CDKL5: variants seen among roughly 807,000 people sequenced by gnomAD.
The protein encoded by CDKL5 is cyclin-dependent kinase-like 5.
Under a neutral mutation model 61.7 loss-of-function variants are expected in CDKL5, and 8 were observed. That is an observed-to-expected ratio of 0.13 (90% confidence interval 0.08 to 0.23). CDKL5 has a LOEUF of 0.23. CDKL5 is among the 10% of genes least tolerant of loss of function. CDKL5 has a pLI of 1.00. For synonymous variants in CDKL5, 275 were observed against 272.3 expected (o/e 1.01, Z -0.10); for missense variants, 440 against 734.5 (o/e 0.60, Z 4.63).
At chrX:18,543,009 A>T (rs1924078082) in intron 3 of CDKL5, among the ~76,000 whole-genome samples, 1 of 110,538 alleles carries the variant, frequency 9.0e-6, no homozygotes, top group Non-Finnish European at 1.9e-5. Flanking sequence ...ATGGGCAATG[A>T]AAGATTAGCT....
At chrX:18,651,258 T>TGAGAGA (rs1203890269) in intron 21 of CDKL5, among the ~76,000 whole-genome samples, 2 of 97,188 alleles carry the variant, frequency 2.1e-5, no homozygotes, top group Non-Finnish European at 4.0e-5. Flanking sequence ...TGTGTGTGTG[T>TGAGAGA]GTGTGTGAGA....
chrX:18,643,334 C>A (rs965830364), downstream of CDKL5, among the ~76,000 whole-genome samples: 1 of 111,450 alleles, frequency 9.0e-6, no homozygotes, highest in Non-Finnish European at 1.9e-5. Flanking sequence ...AGGGCCTGGT[C>A]TGCCATGTTC....
Position 18,438,851 on chromosome X carries a change from C to A in CDKL5, c.-163+13156C>A, listed in dbSNP as rs188558360. Among the ~76,000 whole-genome samples the A allele has an allele frequency of 3.5e-3, 373 of 107,596 alleles. 2 individuals carry two copies. The Middle Eastern group carries it at 0.044, about 13-fold the overall frequency. The allele number at this position is 107,596 out of a possible 115,157, so 93.4% of individuals were successfully genotyped here. ...TGGGCATATAAAGCTGGGAGAATTG[C>A]AAGAAGTAATGTTTATTTATGTATT... On this transcript the variant is annotated intron_variant, in intron 1 of 17. Coordinates refer to ENST00000623535, the MANE Select transcript of CDKL5 (RefSeq NM_001323289.2).
At chrX:18,510,093 T>C (rs764943680) in intron 2 of CDKL5, among the ~76,000 whole-genome samples, 8 of 111,216 alleles carry the variant, frequency 7.2e-5, no homozygotes, top group Non-Finnish European at 1.5e-4. Context: ...GATAATGTAT[T>C]TGGTGGGCTC....
Position 18,585,648 on chromosome X carries a change from C to T in CDKL5, c.554+1295C>T, listed in dbSNP as rs892817010. Among the ~76,000 whole-genome samples, 91 of 111,522 alleles carry T rather than the reference C, an allele frequency of 8.2e-4. 2 individuals are homozygous for T. The highest frequency in any genetic ancestry group is 2.9e-3 in the African/African-American group (90 of 30,766). On this transcript the variant is annotated intron_variant, in intron 8 of 17. Coordinates refer to ENST00000623535, the MANE Select transcript of CDKL5 (RefSeq NM_001323289.2). The stretch of plus-strand genomic sequence containing the variant: ...TTTTTAGTACATTTTAACTTTAAAG[C>T]CTAAGAAGGAGCCTGTAGTTCTCAT...
At chrX:18,599,502 G>A (rs1188634940) in intron 11 of CDKL5, among the ~76,000 whole-genome samples, 2 of 112,342 alleles carry the variant, frequency 1.8e-5, no homozygotes, top group African/African-American at 3.2e-5. Context: ...CGCCTAGGCT[G>A]GAGAGCAGTG....
chrX:18,449,923 T>C (rs1931970817), intron 1 of CDKL5, among the ~76,000 whole-genome samples: 1 of 110,879 alleles, frequency 9.0e-6, no homozygotes, highest in Non-Finnish European at 1.9e-5. Flanking sequence ...GCCTTCCGAG[T>C]AGCTGGGACT....
Position 18,634,937 on chromosome X carries a change from G to T in CDKL5, c.*6180G>T. The T allele has an allele frequency of 1.3e-6, 1 of 746,341 alleles. No individual in the cohort carries two copies. The highest frequency in any genetic ancestry group is 1.6e-6 in the Non-Finnish European group (1 of 635,690). The allele number at this position is 746,341 out of a possible 1,213,427, so 61.5% of individuals were successfully genotyped here. On this transcript the variant is annotated 3_prime_UTR_variant, in exon 18 of 18. Coordinates refer to ENST00000623535, the MANE Select transcript of CDKL5 (RefSeq NM_001323289.2). The stretch of plus-strand genomic sequence containing the variant: ...AGACTCTGTTCATTCTTAAAAATAG[G>T]GATAAGCCAGAATGATGTGACATCT...
At chrX:18,650,349 G>A in intron 20 of CDKL5, 1 of 1,112,901 alleles carries the variant, frequency 9.0e-7, no homozygotes, top group Non-Finnish European at 1.2e-6. Context: ...TGGTGTCTGG[G>A]AGCCGATGCC....
chrX:18,565,176 A>G (rs1924926780), intron 4 of CDKL5, among the ~76,000 whole-genome samples: 1 of 112,096 alleles, frequency 8.9e-6, no homozygotes, highest in Admixed American at 9.5e-5. Context: ...ACTGTTGGCC[A>G]TCCAAAGATA....
intron 1 of CDKL5, among the ~76,000 whole-genome samples, chrX:18,482,590 T>C (rs1248004339): frequency 9.0e-6 from 1 of 111,662 alleles, no homozygotes; most frequent in Non-Finnish European, 1.9e-5. Flanking sequence ...GCACATTTGC[T>C]TTTCCTCCCA....
intron 16 of CDKL5, among the ~76,000 whole-genome samples, chrX:18,621,776 A>T (rs1045931562): frequency 8.9e-6 from 1 of 111,937 alleles, no homozygotes; most frequent in African/African-American, 3.2e-5. Context: ...TCAAATCAAA[A>T]TGCCACTCAG....
chrX:18,595,775 A>G (rs1214710910), intron 10 of CDKL5, among the ~76,000 whole-genome samples: 4 of 112,117 alleles, frequency 3.6e-5, no homozygotes, highest in Non-Finnish European at 5.6e-5. Flanking sequence ...TTTTTCTGAC[A>G]TGGTATTTGA....
chrX:18,450,598 G>C (rs1931989829), intron 1 of CDKL5, among the ~76,000 whole-genome samples: 1 of 111,041 alleles, frequency 9.0e-6, no homozygotes, highest in African/African-American at 3.3e-5. Context: ...TTTTGAGACA[G>C]AGTTTTGCTC....
At chrX:18,438,127 G>A (rs1475171486) in intron 1 of CDKL5, among the ~76,000 whole-genome samples, 1 of 110,929 alleles carries the variant, frequency 9.0e-6, no homozygotes, top group Non-Finnish European at 1.9e-5. Context: ...GTGCAGTGGC[G>A]CAATCTCGGC....
rs1602298609 is a variant in CDKL5, at chrX:18,625,177, A to G, written c.2426A>G (p.His809Arg). Residue 809 changes from histidine (H) to arginine (R), a missense_variant, in exon 17 of 18, where the codon CAT becomes CGT. Around this residue, in one of 2 missense-constraint regions of CDKL5, gnomAD observed 363 missense variants for 516.3 expected, o/e 0.70. Transcript: ENST00000623535. ...CTTCTGACGTTGCAGAAATCCATTCATTCTGCTAGCACTCCAAGCAGCAGA... is the reference window on the plus strand; with the variant it reads ...CTTCTGACGTTGCAGAAATCCATTCGTTCTGCTAGCACTCCAAGCAGCAGA... Reference protein sequence around the residue: ...PDLLTLQKSIHSASTPSSRPK... With the variant: ...PDLLTLQKSIRSASTPSSRPK... 4.1e-6 allele frequency: 5 copies of G among 1,206,200 alleles called. No individual in the cohort carries two copies. Among genetic ancestry groups the G allele is most frequent in the Non-Finnish European group, 5.6e-6 (5 of 891,707 alleles).
chrX:18,439,256 G>A (rs1258542606), intron 1 of CDKL5, among the ~76,000 whole-genome samples: 1 of 110,013 alleles, frequency 9.1e-6, no homozygotes, highest in African/African-American at 3.3e-5. Context: ...TGGGGCTCCA[G>A]AATCTTTTCT....
At chrX:18,444,312 T>C (rs1931823607) in intron 1 of CDKL5, among the ~76,000 whole-genome samples, 1 of 111,764 alleles carries the variant, frequency 8.9e-6, no homozygotes, top group South Asian at 3.6e-4. Flanking sequence ...TTTCTATCTC[T>C]TCTGGCTAAT....
intron 14 of CDKL5, among the ~76,000 whole-genome samples, chrX:18,610,253 G>T (rs1926505541): frequency 8.9e-6 from 1 of 112,218 alleles, no homozygotes; most frequent in African/African-American, 3.2e-5. Context: ...CTCGTACCCA[G>T]CCTATGGGAC....
Sources: gnomAD v4.1 joint callset for allele counts (sites outside exome capture counted in the v4.1 genomes callset) on GRCh38, gnomAD v4.1.1 for gene constraint, gnomAD v4.1.1 regional missense constraint, MANE v1.5 for transcripts, NCBI Gene and HGNC (gene_info 2026-07-23, HGNC 2026-07-21) for gene names.